The following DCTPP1 variants were observed in gnomAD, a reference collection of about 807,000 sequenced individuals.
DCTPP1 encodes XTP3-transactivated gene A protein.
A neutral mutation model predicts 8.8 loss-of-function variants in DCTPP1; 8 were observed. The observed-to-expected ratio is 0.91, with a 90% CI of 0.54 to 1.64. The LOEUF (loss-of-function observed/expected upper bound fraction) is 1.64, where lower values mean the gene tolerates loss of function less well. Ranked by LOEUF, DCTPP1 falls within the 40% of genes most tolerant of loss-of-function variation. DCTPP1 has a pLI of 0.00. For missense variants in DCTPP1, 231 were observed against 230.4 expected (o/e 1.00, Z -0.02); for synonymous variants, 85 against 92.1 (o/e 0.92, Z 0.44).
rs548030065 is a variant in DCTPP1 at position 30,426,642 on chromosome 16, T to C, written c.213-2109A>G. Among the ~76,000 whole-genome samples, 3 of 152,204 alleles carry C rather than the reference T, an allele frequency of 2.0e-5. No individual in the cohort carries two copies. The East Asian group carries it at 5.8e-4, about 29-fold the overall frequency. Reference sequence around the variant, plus strand: ...GCCTGTGACCACACCCGGCTAATTTTTGTATTTTTAGTAGAGACAGGGTTT... The same window carrying C: ...GCCTGTGACCACACCCGGCTAATTTCTGTATTTTTAGTAGAGACAGGGTTT... On this transcript the variant is annotated intron_variant, in intron 2 of 2. Transcript: ENST00000319285.
In DCTPP1 at chr16:30,423,888, G is replaced by T; in HGVS notation, c.*345C>A. 4.2e-6 allele frequency: 1 copy of T among 235,384 alleles called. No homozygotes were observed. The allele number at this position is 235,384 out of a possible 1,614,324, so 14.6% of individuals were successfully genotyped here. A position where few individuals can be genotyped will look rare whatever the true frequency, so the allele number is the denominator to read the frequency against. ...AAGGAACTTACATGACATCCTACTG[G>T]GAATTTGCTAGAAACCAGATCTCTC... On this transcript the variant is annotated 3_prime_UTR_variant, in exon 3 of 3. Coordinates refer to ENST00000319285, the MANE Select transcript of DCTPP1 (RefSeq NM_024096.2).
At chr16:30,427,065 A>G (rs948370611) in intron 2 of DCTPP1, among the ~76,000 whole-genome samples, 1 of 141,500 alleles carries the variant, frequency 7.1e-6, no homozygotes, top group African/African-American at 2.7e-5. Context: ...GCTAGAGTGC[A>G]GTGGCGCGAT....
In DCTPP1 at chr16:30,429,947, TGTCCCCACGA is replaced by T; in HGVS notation, c.24_33del (p.Asp11GlufsTer93). ...GGAGCAGCAGTGTCCTCTCCCCCCGTGTCCCCACGAATCTCCCCACCGGCCACAGACATGC... is the reference window on the plus strand; with the variant it reads ...GGAGCAGCAGTGTCCTCTCCCCCCGTATCTCCCCACCGGCCACAGACATGC... On this transcript the variant is annotated frameshift_variant, in exon 1 of 3. Transcript: ENST00000319285. LOFTEE classifies it high-confidence loss of function. 1.9e-6 allele frequency: 3 copies of T among 1,585,082 alleles called. No individual in the cohort carries two copies. Among genetic ancestry groups the T allele is most frequent in the Non-Finnish European group, 2.6e-6 (3 of 1,167,080 alleles).
chr16:30,424,844 A>T (rs1240673256), intron 2 of DCTPP1, among the ~76,000 whole-genome samples: 1 of 151,920 alleles, frequency 6.6e-6, no homozygotes, highest in African/African-American at 2.4e-5. Context: ...AAGCCTCCCC[A>T]CTCATCTCCT....
Position 30,423,954 on chromosome 16 carries a change from G to T in DCTPP1, c.*279C>A. 2.4e-6 allele frequency: 1 copy of T among 420,912 alleles called. No homozygotes were observed. Among genetic ancestry groups the T allele is most frequent in the Non-Finnish European group, 4.3e-6 (1 of 234,652 alleles). 26.1% of individuals were successfully genotyped at this position (420,912 alleles called of 1,614,324 possible). ...AGGTACAACAGGGAAACACGAGAAT[G>T]GGTCTCAGAGGCACCCCTGGTACCC... On this transcript the variant is annotated 3_prime_UTR_variant, in exon 3 of 3. Coordinates refer to ENST00000319285, the MANE Select transcript of DCTPP1 (RefSeq NM_024096.2).
chr16:30,429,242 C>T, intron 1 of DCTPP1, 75 bp from the exon 2 acceptor site: 1 of 1,483,350 alleles, frequency 6.7e-7, no homozygotes, highest in Non-Finnish European at 9.3e-7. Context: ...GCAGCTACCC[C>T]CGTAGTATGT....
chr16:30,429,625 C>G (rs369405872), intron 1 of DCTPP1: 8 of 487,040 alleles, frequency 1.6e-5, no homozygotes, highest in Admixed American at 8.2e-5. Flanking sequence ...TATCTGGTGC[C>G]GGTATCTTCC....
intron 2 of DCTPP1, among the ~76,000 whole-genome samples, chr16:30,425,131 C>T (rs1190266344): frequency 1.3e-5 from 2 of 152,180 alleles, no homozygotes; most frequent in African/African-American, 4.8e-5. Context: ...CCGCCCTCCT[C>T]GGCCTCTCAA....
chr16:30,424,414 CG>C lies in DCTPP1; in HGVS notation c.331del (p.Arg111ValfsTer6), dbSNP rs759101283. ...IYLVALAARC[R>X]VDLPLAVLSK... ...GAGCACTGCTAGCGGCAGATCCACACGGCAGCGGGCTGCTAATGCCACCAGG... is the reference window on the plus strand; with the variant it reads ...GAGCACTGCTAGCGGCAGATCCACACGCAGCGGGCTGCTAATGCCACCAGG... On this transcript the variant is annotated frameshift_variant, in exon 3 of 3. Coordinates refer to ENST00000319285, the MANE Select transcript of DCTPP1 (RefSeq NM_024096.2). LOFTEE classifies it low-confidence loss of function (END_TRUNC). 1 of 1,614,214 alleles carries C rather than the reference CG, an allele frequency of 6.2e-7. No homozygotes were observed. The highest frequency in any genetic ancestry group is 8.5e-7 in the Non-Finnish European group (1 of 1,180,042).
At chr16:30,424,598 C>G in intron 2 of DCTPP1, 65 bp from the exon 3 acceptor site, 1 of 1,563,318 alleles carries the variant, frequency 6.4e-7, no homozygotes, top group Non-Finnish European at 8.6e-7. Flanking sequence ...TCTGCCAGTC[C>G]TTGCAGTAAT....
intron 2 of DCTPP1, 198 bp downstream of exon 2, chr16:30,428,859 C>T (rs1265657604): frequency 9.2e-6 from 5 of 540,664 alleles, no homozygotes; most frequent in Non-Finnish European, 6.5e-6. Flanking sequence ...TGCTTTCACA[C>T]CTCACACCTC....
Position 30,424,283 on chromosome 16 carries a change from C to T in DCTPP1, c.463G>A (p.Val155Met), listed in dbSNP as rs780559590. The change falls in exon 3 of 3, where the codon GTG becomes ATG. Residue 155 changes from valine to methionine, a missense_variant. Transcript: ENST00000319285. ...TCACAGGGAATGTCCGCAGGCCCCACAGCCTGGTCTTCAGAGATGGCCCCA... is the reference window on the plus strand; with the variant it reads ...TCACAGGGAATGTCCGCAGGCCCCATAGCCTGGTCTTCAGAGATGGCCCCA... The part of the protein sequence containing the change: ...PHGAISEDQA[V>M]GPADIPCDST... 45 of 1,614,132 alleles carry T rather than the reference C, an allele frequency of 2.8e-5. No homozygotes were observed. The highest frequency in any genetic ancestry group is 3.6e-5 in the Non-Finnish European group (43 of 1,180,052).
At chr16:30,427,457 C>A (rs1164438583) in intron 2 of DCTPP1, among the ~76,000 whole-genome samples, 1 of 151,826 alleles carries the variant, frequency 6.6e-6, no homozygotes, top group Non-Finnish European at 1.5e-5. Context: ...GGATTACAGG[C>A]GCCCGCCACC....
Position 30,429,903 on chromosome 16 carries a change from G to GA in DCTPP1, c.77_78insT (p.Glu28GlyfsTer13). On this transcript the variant is annotated frameshift_variant, in exon 1 of 3. Transcript: ENST00000319285. LOFTEE classifies it high-confidence loss of function. ...ACATGTCCTCGAGCGTGGGCTCCGG[G>GA]CTGAAGCTGAACCGGCCGGGAGCAG... is the stretch of plus-strand genomic sequence containing the variant. The GA allele has an allele frequency of 6.3e-7, 1 of 1,595,964 alleles. No homozygotes were observed. The highest frequency in any genetic ancestry group is 8.5e-7 in the Non-Finnish European group (1 of 1,172,012).
At chr16:30,427,978 G>A (rs2050203455) in intron 2 of DCTPP1, among the ~76,000 whole-genome samples, 1 of 152,152 alleles carries the variant, frequency 6.6e-6, no homozygotes, top group African/African-American at 2.4e-5. Flanking sequence ...CTCAGCAACA[G>A]AGTGAGACCT....
intron 2 of DCTPP1, among the ~76,000 whole-genome samples, chr16:30,426,008 C>T (rs920670843): frequency 1.3e-5 from 2 of 152,180 alleles, no homozygotes; most frequent in East Asian, 1.9e-4. Context: ...GCCACTTTGG[C>T]TTGTTCTGCC....
chr16:30,428,977 G>T (rs2050209147), intron 2 of DCTPP1, 80 bp downstream of exon 2: 2 of 1,398,740 alleles, frequency 1.4e-6, no homozygotes, highest in East Asian at 2.3e-5. Flanking sequence ...CTGAACCCAT[G>T]AATGTTTGAA....
intron 2 of DCTPP1, among the ~76,000 whole-genome samples, chr16:30,427,047 T>C (rs1197329307): frequency 2.7e-5 from 4 of 150,086 alleles, no homozygotes; most frequent in Non-Finnish European, 5.9e-5. Flanking sequence ...CCTTGCTCTG[T>C]CGCCCAGGCT....
intron 1 of DCTPP1, chr16:30,429,669 C>T: frequency 1.9e-6 from 1 of 531,294 alleles, no homozygotes; most frequent in Middle Eastern, 4.9e-4. Flanking sequence ...CTAGTTACCA[C>T]TCGGAGGCAC....
Sources: allele counts gnomAD v4.1 joint callset (sites outside exome capture counted in the v4.1 genomes callset), GRCh38; gene constraint gnomAD v4.1.1; transcripts MANE v1.5; gene names NCBI Gene and HGNC (gene_info 2026-07-23, HGNC 2026-07-21).